EBAG9: variants seen among roughly 807,000 people sequenced by gnomAD.
EBAG9 encodes the protein receptor-binding cancer antigen expressed on SiSo cells.
Under a neutral mutation model 30.9 loss-of-function variants are expected in EBAG9, and 16 were observed. The ratio of observed to expected loss-of-function variants is 0.52; its 90% CI spans 0.35 to 0.79. EBAG9 has a LOEUF of 0.79. EBAG9 is among the 30% of genes least tolerant of loss of function. The probability of loss-of-function intolerance (pLI) is 0.01; values close to 1 mark genes in which losing one functional copy is unlikely to be tolerated. For missense variants in EBAG9, 197 were observed against 242.1 expected (o/e 0.81, Z 1.24); for synonymous variants, 93 against 82.8 (o/e 1.12, Z -0.67).
chr8:109,553,373 T>C (rs1412918542), intron 2 of EBAG9, among the ~76,000 whole-genome samples: 1 of 152,224 alleles, frequency 6.6e-6, no homozygotes, highest in Non-Finnish European at 1.5e-5. Flanking sequence ...TCCTGTTGAA[T>C]GTGGTACTTT....
At chr8:109,540,583 A>G (rs1821253187) in intron 1 of EBAG9, 122 bp downstream of exon 1, 1 of 152,140 alleles carries the variant, frequency 6.6e-6, no homozygotes, top group African/African-American at 2.4e-5. Context: ...GAACCGCCCC[A>G]GTGGTGTCAC....
intron 5 of EBAG9, among the ~76,000 whole-genome samples, chr8:109,557,569 CATGCT>C (rs148369426): frequency 0.013 from 1,974 of 152,240 alleles, 45 homozygotes; most frequent in African/African-American, 0.045. Context: ...AAGCTTTAAG[CATGCT>C]TTGATTGATT....
chr8:109,540,777 CTTCAGAGA>C (rs1821257423), intron 1 of EBAG9: 1 of 152,168 alleles, frequency 6.6e-6, no homozygotes, highest in East Asian at 1.9e-4. Context: ...TTCTAACCCA[CTTCAGAGA>C]GTTATAGTTT....
Position 109,564,692 on chromosome 8 carries a change from C to T in EBAG9, c.*133C>T, listed in dbSNP as rs1821783258. 1.6e-6 allele frequency: 2 copies of T among 1,270,230 alleles called. No homozygotes were observed. The highest frequency in any genetic ancestry group is 2.5e-5 in the Admixed American group (1 of 39,468). 78.7% of individuals were successfully genotyped at this position (1,270,230 alleles called of 1,614,324 possible). On this transcript the variant is annotated 3_prime_UTR_variant, in exon 7 of 7. Transcript: ENST00000337573. ...AATACATTGATCAGGCCATCCAGGA[C>T]ACCACGATTCTCCCAAAGTACCTTG...
chr8:109,545,622 C>T (rs775143951), intron 1 of EBAG9, among the ~76,000 whole-genome samples: 1 of 152,084 alleles, frequency 6.6e-6, no homozygotes, highest in Non-Finnish European at 1.5e-5. Context: ...CTCAGCCTCC[C>T]AAAGCGCTGG....
chr8:109,544,185 A>G (rs764934016), intron 1 of EBAG9, among the ~76,000 whole-genome samples: 6 of 152,206 alleles, frequency 3.9e-5, no homozygotes, highest in Non-Finnish European at 7.3e-5. Context: ...TTAAAAAGGT[A>G]TATAGCTGTC....
chr8:109,561,054 T>C (rs1459261097), intron 6 of EBAG9, 125 bp downstream of exon 6: 4 of 739,856 alleles, frequency 5.4e-6, no homozygotes, highest in African/African-American at 1.8e-5. Context: ...CCTTAGATAA[T>C]AAGGACTTTT....
rs573342965 is a variant in EBAG9 at position 109,560,796 on chromosome 8, A to T, written c.430-42A>T. On this transcript the variant is annotated intron_variant, in intron 5 of 6. Coordinates refer to ENST00000337573, the MANE Select transcript of EBAG9 (RefSeq NM_004215.5). ...TTTTTAACGGCTATGTGGAGAAAGG[A>T]TGGCTTTTACTCTCTTAATTTTGTT... The T allele has an allele frequency of 4.5e-5, 64 of 1,410,854 alleles. 1 individual carries two copies. The South Asian group carries it at 7.0e-4, about 16-fold the overall frequency. 87.4% of individuals were successfully genotyped at this position (1,410,854 alleles called of 1,614,324 possible).
Position 109,540,348 on chromosome 8 carries a change from T to C in EBAG9, c.-129T>C, listed in dbSNP as rs1044230. ...GGCCGATTTTTCCACAATTTAAATCTCAGTTCACCTGGTATCCAGCTCCAG... is the reference window on the plus strand; with the variant it reads ...GGCCGATTTTTCCACAATTTAAATCCCAGTTCACCTGGTATCCAGCTCCAG... On this transcript the variant is annotated 5_prime_UTR_variant, in exon 1 of 7. Coordinates refer to ENST00000337573, the MANE Select transcript of EBAG9 (RefSeq NM_004215.5). The C allele has an allele frequency of 0.8, 121,040 of 152,192 alleles. 48,416 individuals are homozygous for C. Among genetic ancestry groups the C allele is most frequent in the Middle Eastern group, 0.91 (267 of 294 alleles). 9.4% of individuals were successfully genotyped at this position (152,192 alleles called of 1,614,324 possible).
chr8:109,541,640 T>G, intron 1 of EBAG9, among the ~76,000 whole-genome samples: 1 of 152,190 alleles, frequency 6.6e-6, no homozygotes. Context: ...GCAAGACTGA[T>G]GGACGTCCTG....
At chr8:109,560,796 A>G (rs573342965) in intron 5 of EBAG9, 42 bp from the exon 6 acceptor site, 9 of 1,410,854 alleles carry the variant, frequency 6.4e-6, no homozygotes, top group Non-Finnish European at 9.0e-6. Context: ...TGGAGAAAGG[A>G]TGGCTTTTAC....
chr8:109,557,813 A>G, intron 5 of EBAG9: 1 of 395,930 alleles, frequency 2.5e-6, no homozygotes, highest in South Asian at 1.7e-5. Context: ...TCACTTCTAC[A>G]CCTGACAAAT....
chr8:109,554,862 C>T lies in EBAG9; in HGVS notation c.296C>T (p.Thr99Ile). ...QLEPDYFKDM[T>I]PTIRKTQKIV... ...GAACCTGACTATTTTAAGGACATGA[C>T]ACCAACTATTAGGAAAACTCAGAAA... The change falls in exon 4 of 7, where the codon ACA becomes ATA. Residue 99 changes from threonine (T) to isoleucine (I), a missense_variant. Physicochemically the swap from Thr to Ile is moderately conservative, Grantham distance 89. Transcript: ENST00000337573. 1 of 1,613,412 alleles carries T rather than the reference C, an allele frequency of 6.2e-7. No individual in the cohort carries two copies. The highest frequency in any genetic ancestry group is 1.1e-5 in the South Asian group (1 of 91,000).
At chr8:109,542,918 G>A (rs769794818) in intron 1 of EBAG9, among the ~76,000 whole-genome samples, 1 of 151,974 alleles carries the variant, frequency 6.6e-6, no homozygotes, top group Non-Finnish European at 1.5e-5. Flanking sequence ...TCCAGCAAGA[G>A]GTAGTAAAGG....
intron 1 of EBAG9, among the ~76,000 whole-genome samples, chr8:109,541,289 T>A (rs999518327): frequency 6.6e-6 from 1 of 152,138 alleles, no homozygotes; most frequent in Admixed American, 6.5e-5. Context: ...AAGATACTTA[T>A]CAAATTGGTG....
chr8:109,553,078 T>A (rs1051274213), intron 2 of EBAG9, among the ~76,000 whole-genome samples: 13 of 152,168 alleles, frequency 8.5e-5, no homozygotes, highest in South Asian at 4.1e-4. Context: ...TTTTTTTTTT[T>A]ATAGATTATT....
At chr8:109,562,348 A>G (rs1268661663) in intron 6 of EBAG9, among the ~76,000 whole-genome samples, 1 of 152,064 alleles carries the variant, frequency 6.6e-6, no homozygotes, top group East Asian at 1.9e-4. Flanking sequence ...TTAAAAACTT[A>G]ATGTTTTACC....
chr8:109,558,396 A>G (rs1039270541), intron 5 of EBAG9, among the ~76,000 whole-genome samples: 1 of 152,196 alleles, frequency 6.6e-6, no homozygotes, highest in African/African-American at 2.4e-5. Context: ...TGAACACATA[A>G]CACCATAAAT....
intron 1 of EBAG9, among the ~76,000 whole-genome samples, chr8:109,540,964 T>G (rs765292002): frequency 6.6e-6 from 1 of 152,230 alleles, no homozygotes; most frequent in Non-Finnish European, 1.5e-5. Context: ...AAAGGACCTC[T>G]AGCAGTTTAC....
Sources: gnomAD v4.1 joint callset for allele counts (sites outside exome capture counted in the v4.1 genomes callset) on GRCh38, gnomAD v4.1.1 for gene constraint, MANE v1.5 for transcripts, NCBI Gene and HGNC (gene_info 2026-07-23, HGNC 2026-07-21) for gene names.